PGAP4: variants seen among roughly 807,000 people sequenced by gnomAD.
The protein encoded by PGAP4 is post-GPI attachment to proteins GalNAc transferase 4.
PGAP4 carries 12 observed loss-of-function variants against 28.2 expected under a neutral mutation model. That is an observed-to-expected ratio of 0.42 (90% CI 0.27 to 0.69). The LOEUF (loss-of-function observed/expected upper bound fraction) is 0.69, where lower values mean the gene tolerates loss of function less well. PGAP4 is among the 30% of genes least tolerant of loss of function. The probability of loss-of-function intolerance (pLI) is 0.22; values close to 1 mark genes in which losing one functional copy is unlikely to be tolerated. For missense variants in PGAP4, 425 were observed against 513.5 expected (o/e 0.83, Z 1.67); for synonymous variants, 205 against 211.8 (o/e 0.97, Z 0.28).
At position 101,476,060 on chromosome 9, in the gene PGAP4, G is replaced by A. The variant is rs1389782325; in HGVS notation, c.1033C>T (p.Arg345Cys). The A allele has an allele frequency of 5.6e-6, 9 of 1,614,084 alleles. No homozygotes were observed. Among genetic ancestry groups the A allele is most frequent in the African/African-American group, 4.0e-5 (3 of 74,922 alleles). The change falls in exon 2 of 2, where the codon CGC (arginine) becomes TGC (cysteine). Residue 345 changes from arginine (R) to cysteine (C), a missense_variant. Coordinates refer to ENST00000374848, the MANE Select transcript of PGAP4 (RefSeq NM_032342.3). The surrounding 1 kb of genome is among the most constrained non-coding windows in gnomAD (Gnocchi z 7.0). ...PAMLFPAPAA[R>C]RTLTYLSQVY... ...TGGGACAGGTAGGTGAGGGTCCGGC[G>A]GGCCGCAGGTGCCGGGAAGAGCATG...
intron 2 of PGAP4, among the ~76,000 whole-genome samples, chr9:101,527,198 AG>A (rs1470322927): frequency 6.6e-6 from 1 of 152,214 alleles, no homozygotes; most frequent in Non-Finnish European, 1.5e-5. Context: ...GAGATTCTGG[AG>A]GCAGTCTCTT....
In PGAP4 at chr9:101,477,207, TAAAA is replaced by T. The variant is rs386352457; in HGVS notation, c.-77-42_-77-39del. On this transcript the variant is annotated intron_variant, in intron 1 of 1. Transcript: ENST00000374848. Reference sequence around the variant, plus strand: ...GAAGTAGGGAATGGTAAGAGTAACTTAAAAAAACAAACAAACAAACAAACAAAAA... The same window carrying T: ...GAAGTAGGGAATGGTAAGAGTAACTTAAACAAACAAACAAACAAACAAAAA... 8.6e-3 allele frequency: 9,387 copies of T among 1,089,398 alleles called. 59 individuals are homozygous for T. Among genetic ancestry groups the T allele is most frequent in the Non-Finnish European group, 1.0e-2 (8,305 of 831,774 alleles). 67.5% of individuals were successfully genotyped at this position (1,089,398 alleles called of 1,614,324 possible).
At position 101,512,276 on chromosome 9, in the gene PGAP4, C is replaced by T. The variant is rs1228825719; in HGVS notation, c.-165+19072G>A. 2.6e-5 allele frequency among the ~76,000 whole-genome samples: 4 copies of T among 152,244 alleles called. No homozygotes were observed. The East Asian group carries it at 7.7e-4, about 29-fold the overall frequency. Reference sequence around the variant, plus strand: ...ATAATCCTCACCCCGCCCTGCCCGTCCCAAAGGCCAGTTTTTCCTAAAAAT... The same window carrying T: ...ATAATCCTCACCCCGCCCTGCCCGTTCCAAAGGCCAGTTTTTCCTAAAAAT... On this transcript the variant is annotated intron_variant, in intron 2 of 3. Coordinates refer to the PGAP4 transcript ENST00000374851.
chr9:101,530,893 G>C (rs574478274), intron 2 of PGAP4, among the ~76,000 whole-genome samples: 3 of 147,674 alleles, frequency 2.0e-5, no homozygotes, highest in African/African-American at 8.0e-5. Context: ...GTTTTTGTTT[G>C]TTTGTTTGTT....
intron 1 of PGAP4, among the ~76,000 whole-genome samples, chr9:101,484,587 G>T (rs1826570341): frequency 6.6e-6 from 1 of 152,106 alleles, no homozygotes. Context: ...AGTAATGCAT[G>T]TTCTTTATTA....
chr9:101,520,623 T>C (rs1338686305), intron 2 of PGAP4, among the ~76,000 whole-genome samples: 1 of 152,154 alleles, frequency 6.6e-6, no homozygotes, highest in Non-Finnish European at 1.5e-5. Flanking sequence ...TCTGGAGAAG[T>C]CCTTAGGGTT....
chr9:101,483,446 G>T (rs1588199600), intron 1 of PGAP4, among the ~76,000 whole-genome samples: 1 of 152,170 alleles, frequency 6.6e-6, no homozygotes, highest in African/African-American at 2.4e-5. Context: ...TTTAAGCAGG[G>T]TGGCAAAACT....
At chr9:101,529,352 A>G (rs1048116963) in intron 2 of PGAP4, among the ~76,000 whole-genome samples, 3 of 151,990 alleles carry the variant, frequency 2.0e-5, no homozygotes, top group African/African-American at 4.8e-5. Context: ...ACAGGGTTTC[A>G]CCATGTTGGC....
intron 2 of PGAP4, among the ~76,000 whole-genome samples, chr9:101,496,904 T>C (rs1184436089): frequency 6.6e-6 from 1 of 150,586 alleles, no homozygotes; most frequent in African/African-American, 2.4e-5. Context: ...TTAGACAAAA[T>C]TATTTTTTCA....
At chr9:101,532,930 T>C (rs891736457) in exon 1 of PGAP4, 5 of 152,222 alleles carry the variant, frequency 3.3e-5, no homozygotes, top group East Asian at 3.8e-4. Context: ...AAAAAAGATA[T>C]AGCGATCATT....
At chr9:101,523,224 T>C (rs191735719) in intron 2 of PGAP4, among the ~76,000 whole-genome samples, 82 of 152,300 alleles carry the variant, frequency 5.4e-4, no homozygotes, top group African/African-American at 1.9e-3. Context: ...GTGTTCTTTG[T>C]GCTTCTTGTG....
chr9:101,502,430 TG>T (rs1404899245), intron 2 of PGAP4, among the ~76,000 whole-genome samples: 1 of 152,058 alleles, frequency 6.6e-6, no homozygotes, highest in Non-Finnish European at 1.5e-5. Flanking sequence ...ACTAAAGCTA[TG>T]CCTCTGTGAT....
intron 2 of PGAP4, among the ~76,000 whole-genome samples, chr9:101,517,784 A>G (rs191594453): frequency 1.6e-3 from 245 of 152,296 alleles, no homozygotes; most frequent in African/African-American, 5.5e-3. Context: ...CTTCCACGGA[A>G]GCTTAAGCCA....
chr9:101,523,589 C>G (rs1006568315), intron 2 of PGAP4, among the ~76,000 whole-genome samples: 1 of 110,884 alleles, frequency 9.0e-6, no homozygotes, highest in African/African-American at 3.6e-5. Context: ...TATCTATTTC[C>G]TTGAACATTT....
Position 101,499,729 on chromosome 9 carries a change from C to G in PGAP4, c.-164-10529G>C, listed in dbSNP as rs114329884. ...TCAGGCATACAAATGTGAGAACTCT[C>G]TCTTCATGGCCTTCCGTGGCTTTAT... On this transcript the variant is annotated intron_variant, in intron 2 of 3. Transcript: ENST00000374851. 2.6e-3 allele frequency among the ~76,000 whole-genome samples: 395 copies of G among 152,096 alleles called. 2 individuals are homozygous for G. The highest frequency in any genetic ancestry group is 8.8e-3 in the African/African-American group (364 of 41,514).
chr9:101,503,130 T>C (rs1826817449), intron 2 of PGAP4, among the ~76,000 whole-genome samples: 1 of 151,978 alleles, frequency 6.6e-6, no homozygotes, highest in African/African-American at 2.4e-5. Context: ...GCTGAAGTAG[T>C]TGGGTGAGTT....
intron 2 of PGAP4, among the ~76,000 whole-genome samples, chr9:101,523,866 C>T (rs773916718): frequency 2.0e-5 from 3 of 151,786 alleles, no homozygotes; most frequent in Non-Finnish European, 4.4e-5. Context: ...TGGGTAGGCT[C>T]TGTCAGAGGC....
Position 101,483,601 on chromosome 9 carries a change from TG to T in PGAP4, c.-78+3347del, listed in dbSNP as rs201499869. Among the ~76,000 whole-genome samples, 101 of 152,138 alleles carry T rather than the reference TG, an allele frequency of 6.6e-4. 1 individual carries two copies. The East Asian group carries it at 0.019, about 28-fold the overall frequency. ...AACATGGTTGGTACCAGAATTAATA[TG>T]TAAAAATAATATATAATATACATAG... On this transcript the variant is annotated intron_variant, in intron 1 of 1. Transcript: ENST00000374848.
chr9:101,517,416 T>G (rs1296449844), intron 2 of PGAP4, among the ~76,000 whole-genome samples: 6 of 151,978 alleles, frequency 3.9e-5, no homozygotes, highest in Admixed American at 3.9e-4. Flanking sequence ...AACAAGCTAA[T>G]GGGGTGGGGG....
Sources: allele counts gnomAD v4.1 joint callset (sites outside exome capture counted in the v4.1 genomes callset), GRCh38; gene constraint gnomAD v4.1.1; non-coding constraint Gnocchi (gnomAD v3.1); transcripts MANE v1.5; gene names NCBI Gene and HGNC (gene_info 2026-07-23, HGNC 2026-07-21).